Variants in C4orf54 observed in about 807,000 individuals in gnomAD.
The protein encoded by C4orf54 is chromosome 4 open reading frame 54, also known as uncharacterized protein C4orf54.
In C4orf54, 67 loss-of-function variants were observed where a neutral mutation model predicts 80.1. That is an observed-to-expected ratio of 0.84 (90% CI 0.69 to 1.03). The LOEUF (loss-of-function observed/expected upper bound fraction) is 1.03, where lower values mean the gene tolerates loss of function less well. C4orf54 is among the 50% of genes least tolerant of loss of function. The probability of loss-of-function intolerance (pLI) is 0.00; values close to 1 mark genes in which losing one functional copy is unlikely to be tolerated. For missense variants in C4orf54, 2,434 were observed against 2,253.5 expected (o/e 1.08, Z -1.62); for synonymous variants, 1,000 against 917.0 (o/e 1.09, Z -1.64).
rs1726598739 is a variant in C4orf54 at position 99,641,053 on chromosome 4, A to C, written c.*180T>G. 6.6e-6 allele frequency: 1 copy of C among 152,198 alleles called. No individual in the cohort carries two copies. The highest frequency in any genetic ancestry group is 2.4e-5 in the African/African-American group (1 of 41,470). 9.4% of individuals were successfully genotyped at this position (152,198 alleles called of 1,614,324 possible). On this transcript the variant is annotated 3_prime_UTR_variant, in exon 3 of 3. Transcript: ENST00000511828. ...CCTTAAGAGGATTGTTCAGAAAAAT[A>C]TAGAAACTTACACACTTAGCTTATA...
At chr4:99,645,673 T>TA (rs757701143) in intron 2 of C4orf54, among the ~76,000 whole-genome samples, 2 of 151,060 alleles carry the variant, frequency 1.3e-5, no homozygotes, top group East Asian at 1.9e-4. Context: ...AACAGAAATC[T>TA]AAAAAAAAAT....
rs781111432 is a variant in C4orf54 at position 99,653,181 on chromosome 4, G to A, written c.1468C>T (p.Leu490=). ...GGGGTCTCAGGCAAGGGCTCAGTCA[G>A]GGGGGCAGTGCCAGGCCCAGTGGGT... ...PPPTGPGTAP[L]TEPLPETPEA... Residue 490 remains leucine (L), a synonymous_variant, in exon 2 of 3, where the codon CTG becomes TTG. Coordinates refer to ENST00000511828, the MANE Select transcript of C4orf54 (RefSeq NM_001354435.2). 1.3e-6 allele frequency: 2 copies of A among 1,535,876 alleles called. No homozygotes were observed. Among genetic ancestry groups the A allele is most frequent in the East Asian group, 2.4e-5 (1 of 40,904 alleles).
At chr4:99,643,024 G>A (rs1215288780) in intron 2 of C4orf54, among the ~76,000 whole-genome samples, 4 of 152,172 alleles carry the variant, frequency 2.6e-5, no homozygotes, top group South Asian at 2.1e-4. Flanking sequence ...CACTGCCTCC[G>A]GTTTGGGGAA....
At position 99,649,392 on chromosome 4, in the gene C4orf54, T is replaced by C. The variant is rs1320604022; in HGVS notation, c.5257A>G (p.Lys1753Glu). The change falls in exon 2 of 3, where the codon AAG becomes GAG. Residue 1753 changes from lysine (K) to glutamate (E), a missense_variant. Physicochemically the swap from Lys to Glu is moderately conservative, Grantham distance 56. Coordinates refer to ENST00000511828, the MANE Select transcript of C4orf54 (RefSeq NM_001354435.2). ...TTGCCATGCAGCTGGGCAAAGGCCT[T>C]GGCCCCTAGGAGCTGGGATGTGGCT... Reference protein sequence around the residue: ...PAATSQLLGAKAFAQLHGKPV... With the variant: ...PAATSQLLGAEAFAQLHGKPV... The C allele has an allele frequency of 1.4e-5, 22 of 1,536,034 alleles. No homozygotes were observed. The highest frequency in any genetic ancestry group is 1.8e-5 in the Non-Finnish European group (21 of 1,146,918).
chr4:99,653,422 A>G lies in C4orf54; in HGVS notation c.1227T>C (p.Phe409=), dbSNP rs1359523763. 2.6e-6 allele frequency: 4 copies of G among 1,536,152 alleles called. No homozygotes were observed. In the Admixed American group the frequency reaches 7.8e-5, roughly 30 times the overall value. The change falls in exon 2 of 3, where the codon TTT becomes TTC. Residue 409 remains phenylalanine, a synonymous_variant. Coordinates refer to ENST00000511828, the MANE Select transcript of C4orf54 (RefSeq NM_001354435.2). ...VIYSFVDYAS[F]GGSDETPGDI... ...CCCCTGGGGTCTCGTCGCTGCCACC[A>G]AAGGAAGCATAATCCACGAACGAGT...
chr4:99,648,285 T>C (rs80251526), intron 2 of C4orf54, among the ~76,000 whole-genome samples: 3,505 of 152,320 alleles, frequency 0.023, 103 homozygotes, highest in Middle Eastern at 0.099. Context: ...TCAAGTTCCA[T>C]GTACTGTATT....
Position 99,649,553 on chromosome 4 carries a change from C to T in C4orf54, c.5096G>A (p.Arg1699His), listed in dbSNP as rs761210626. Residue 1699 changes from arginine (R) to histidine (H), a missense_variant, in exon 2 of 3, where the codon CGC becomes CAC. Transcript: ENST00000511828. ...TNALQPTPIA[R>H]APRGSELSPM... ...GGAGAGCTCACTTCCTCTTGGAGCG[C>T]GAGCAATTGGTGTGGGCTGCAGAGC... 71 of 1,535,996 alleles carry T rather than the reference C, an allele frequency of 4.6e-5. 1 individual carries two copies. The highest frequency in any genetic ancestry group is 1.7e-4 in the Middle Eastern group (1 of 6,012).
rs1226842513 is a variant in C4orf54, at chr4:99,637,460, T to G, written c.*3773A>C. The G allele has an allele frequency of 6.6e-6, 1 of 152,152 alleles. No individual in the cohort carries two copies. Among genetic ancestry groups the G allele is most frequent in the Non-Finnish European group, 1.5e-5 (1 of 68,020 alleles). 9.4% of individuals were successfully genotyped at this position (152,152 alleles called of 1,614,324 possible). The stretch of plus-strand genomic sequence containing the variant: ...CCCGAGTCTGCAATTCTGATTAGAT[T>G]CAAGCTTAAGGCACCAATTAGCAAG... On this transcript the variant is annotated 3_prime_UTR_variant, in exon 3 of 3. Transcript: ENST00000511828.
chr4:99,649,328 C>A lies in C4orf54; in HGVS notation c.5321G>T (p.Arg1774Leu). ...ISITSQPLGP[R>L]IIAPPSFDGT... ...ATCAAAGGAAGGGGGAGCAATGATC[C>A]GTGGCCCCAGGGGCTGCGAAGTAAT... Residue 1774 changes from arginine (R) to leucine (L), a missense_variant, in exon 2 of 3, where the codon CGG (arginine) becomes CTG (leucine). Coordinates refer to ENST00000511828, the MANE Select transcript of C4orf54 (RefSeq NM_001354435.2). 1 of 1,535,766 alleles carries A rather than the reference C, an allele frequency of 6.5e-7. No individual in the cohort carries two copies. Among genetic ancestry groups the A allele is most frequent in the Non-Finnish European group, 8.7e-7 (1 of 1,146,710 alleles).
chr4:99,651,620 TTGG>T lies in C4orf54; in HGVS notation c.3026_3028del (p.Thr1009del). On this transcript the variant is annotated inframe_deletion, in exon 2 of 3. Coordinates refer to ENST00000511828, the MANE Select transcript of C4orf54 (RefSeq NM_001354435.2). ...GGAGGTGGCCTGAGCAGCAGGGTAC[TTGG>T]TGGCCTGCTTCCTCGGCTGCTTGTC... 6 of 1,536,122 alleles carry T rather than the reference TTGG, an allele frequency of 3.9e-6. No individual in the cohort carries two copies. Among genetic ancestry groups the T allele is most frequent in the Non-Finnish European group, 5.2e-6 (6 of 1,146,910 alleles).
Position 99,650,079 on chromosome 4 carries a change from C to A in C4orf54, c.4570G>T (p.Val1524Phe), listed in dbSNP as rs934596887. 2.0e-5 allele frequency: 31 copies of A among 1,535,762 alleles called. No homozygotes were observed. Among genetic ancestry groups the A allele is most frequent in the African/African-American group, 2.7e-5 (2 of 72,944 alleles). Reference sequence around the variant, plus strand: ...CAAGCTGGTCGGCTGGTTCCACTAACCTGAGAGCCTTTGGAGCTACTGGGG... The same window carrying A: ...CAAGCTGGTCGGCTGGTTCCACTAAACTGAGAGCCTTTGGAGCTACTGGGG... ...QVPSSSKGSQVSGTSRPAWRT... is the reference protein window; with the variant it reads ...QVPSSSKGSQFSGTSRPAWRT... Residue 1524 changes from valine to phenylalanine, a missense_variant, in exon 2 of 3, where the codon GTT (valine) becomes TTT (phenylalanine). Transcript: ENST00000511828.
chr4:99,650,146 G>A lies in C4orf54; in HGVS notation c.4503C>T (p.Ala1501=), dbSNP rs1222023470. Residue 1501 remains alanine (A), a synonymous_variant, in exon 2 of 3, where the codon GCC becomes GCT. Transcript: ENST00000511828. ...SREGPPNSSA[A]TLCSLPPLSA... ...TCAGCGGGGGTAAACTACAGAGAGT[G>A]GCAGCTGAGGAGTTGGGGGGCCCCT... 2 of 1,536,006 alleles carry A rather than the reference G, an allele frequency of 1.3e-6. No individual in the cohort carries two copies. The highest frequency in any genetic ancestry group is 1.7e-6 in the Non-Finnish European group (2 of 1,146,888).
rs1159254192 is a variant in C4orf54, at chr4:99,640,501, G to T, written c.*732C>A. The T allele has an allele frequency of 2.0e-5, 3 of 152,168 alleles. No homozygotes were observed. Among genetic ancestry groups the T allele is most frequent in the Non-Finnish European group, 4.4e-5 (3 of 68,004 alleles). The allele number at this position is 152,168 out of a possible 1,614,324, so 9.4% of individuals were successfully genotyped here. On this transcript the variant is annotated 3_prime_UTR_variant, in exon 3 of 3. Transcript: ENST00000511828. Reference sequence around the variant, plus strand: ...TGAGACTAAGTACTTAATTTTAGATGCAATCATTGGCTTTCCAGTATTTCA... The same window carrying T: ...TGAGACTAAGTACTTAATTTTAGATTCAATCATTGGCTTTCCAGTATTTCA...
chr4:99,654,294 C>T lies in C4orf54; in HGVS notation c.355G>A (p.Gly119Ser), dbSNP rs1726939332. Residue 119 changes from glycine to serine, a missense_variant, in exon 2 of 3, where the codon GGC (glycine) becomes AGC (serine). Physicochemically the swap from Gly to Ser is moderately conservative, Grantham distance 56 (BLOSUM62 0). Transcript: ENST00000511828. ...LLRATLQPLRGQRRTQDFPSD... is the reference protein window; with the variant it reads ...LLRATLQPLRSQRRTQDFPSD... ...GGGAAGTCTTGGGTCCGTCTCTGGC[C>T]CCGGAGGGGCTGCAGAGTTGCCCGA... The T allele has an allele frequency of 1.3e-6, 2 of 1,532,860 alleles. No individual in the cohort carries two copies. The highest frequency in any genetic ancestry group is 1.7e-4 in the Middle Eastern group (1 of 5,980). The allele number at this position is 1,532,860 out of a possible 1,614,324, so 95.0% of individuals were successfully genotyped here. A position where few individuals can be genotyped will look rare whatever the true frequency, so the allele number is the denominator to read the frequency against.
At chr4:99,643,541 C>T (rs2110248200) in intron 2 of C4orf54, among the ~76,000 whole-genome samples, 1 of 152,254 alleles carries the variant, frequency 6.6e-6, no homozygotes, top group South Asian at 2.1e-4. Flanking sequence ...CAAAAATTCT[C>T]CTACCTCTGG....
intron 2 of C4orf54, among the ~76,000 whole-genome samples, chr4:99,645,282 T>C (rs1034671850): frequency 2.0e-5 from 3 of 152,014 alleles, no homozygotes; most frequent in African/African-American, 7.3e-5. Flanking sequence ...CTTGCTACTT[T>C]AGTTGCTGAT....
chr4:99,652,873 G>C lies in C4orf54; in HGVS notation c.1776C>G (p.Thr592=). The change falls in exon 2 of 3, where the codon ACC becomes ACG. Residue 592 remains threonine (T), a synonymous_variant. Transcript: ENST00000511828. ...CCTTCGCCCGGATGGCCCCGCACCT[G>C]GTTTGCAGGCGAGCAGGTACAGCAA... The part of the protein sequence containing the change: ...KFIAVPARLQ[T]RCGAIRAKEL... The C allele has an allele frequency of 6.5e-7, 1 of 1,536,140 alleles. No homozygotes were observed. The highest frequency in any genetic ancestry group is 8.7e-7 in the Non-Finnish European group (1 of 1,146,912).
rs765801323 is a variant in C4orf54 at position 99,640,375 on chromosome 4, G to A, written c.*858C>T. 6.6e-6 allele frequency: 1 copy of A among 152,124 alleles called. No individual in the cohort carries two copies. The highest frequency in any genetic ancestry group is 2.1e-4 in the South Asian group (1 of 4,828). The allele number at this position is 152,124 out of a possible 1,614,324, so 9.4% of individuals were successfully genotyped here. A position where few individuals can be genotyped will look rare whatever the true frequency, so the allele number is the denominator to read the frequency against. ...ACTCTAAACAATCCATGAGAGACAC[G>A]AGTATGCAACTATGGAGGGAATTAT... On this transcript the variant is annotated 3_prime_UTR_variant, in exon 3 of 3. Coordinates refer to ENST00000511828, the MANE Select transcript of C4orf54 (RefSeq NM_001354435.2).
Position 99,652,554 on chromosome 4 carries a change from G to A in C4orf54, c.2095C>T (p.Arg699Trp), listed in dbSNP as rs765691154. 16 of 1,535,948 alleles carry A rather than the reference G, an allele frequency of 1.0e-5. No individual in the cohort carries two copies. The highest frequency in any genetic ancestry group is 1.4e-5 in the African/African-American group (1 of 73,020). The part of the protein sequence containing the change: ...AAGLRKGSGA[R>W]ATADQLYIQS... ...ATGTAGAGCTGGTCGGCAGTGGCCC[G>A]GGCCCCACTGCCCTTCCTCAGACCT... Residue 699 changes from arginine (R) to tryptophan (W), a missense_variant, in exon 2 of 3, where the codon CGG becomes TGG. Transcript: ENST00000511828.
Sources: gnomAD v4.1 joint callset for allele counts (sites outside exome capture counted in the v4.1 genomes callset) on GRCh38, gnomAD v4.1.1 for gene constraint, MANE v1.5 for transcripts, NCBI Gene and HGNC (gene_info 2026-07-23, HGNC 2026-07-21) for gene names.